TSGA10: variants seen among roughly 807,000 people sequenced by gnomAD.
The protein encoded by TSGA10 is testis-specific gene 10 protein.
A neutral mutation model predicts 96.6 loss-of-function variants in TSGA10; 43 were observed. The observed-to-expected ratio is 0.44, with a 90% CI of 0.35 to 0.57. The LOEUF (loss-of-function observed/expected upper bound fraction) is 0.57. TSGA10 is among the 20% of genes least tolerant of loss of function. TSGA10 has a pLI of 0.01. For missense variants in TSGA10, 703 were observed against 834.4 expected, an observed-to-expected ratio of 0.84 and a Z score of 1.94; for synonymous variants, 229 against 269.9, an observed-to-expected ratio of 0.85 and a Z score of 1.48.
Position 99,118,669 on chromosome 2 carries a change from ACAAAGGTATC to A in TSGA10, c.-484_-475del. 1.0e-6 allele frequency: 1 copy of A among 985,022 alleles called. No individual in the cohort carries two copies. Among genetic ancestry groups the A allele is most frequent in the Non-Finnish European group, 1.2e-6 (1 of 829,798 alleles). 61.0% of individuals were successfully genotyped at this position (985,022 alleles called of 1,614,324 possible). A position where few individuals can be genotyped will look rare whatever the true frequency, so the allele number is the denominator to read the frequency against. ...GATGAAGAAAAGGGCCTTTTCTATC[ACAAAGGTATC>A]CAAATGCCTTTAAAGGAAAAAAAAA... On this transcript the variant is annotated 5_prime_UTR_variant, in exon 3 of 21. Coordinates refer to ENST00000393483, the MANE Select transcript of TSGA10 (RefSeq NM_025244.4).
intron 13 of TSGA10, 102 bp from the exon 14 acceptor site, chr2:99,071,976 G>C: frequency 1.9e-6 from 2 of 1,059,304 alleles, no homozygotes; most frequent in South Asian, 3.5e-5. Flanking sequence ...GAAAACATTT[G>C]AAGAGATTTT....
At chr2:99,006,494 A>G (rs528924875) in intron 20 of TSGA10, among the ~76,000 whole-genome samples, 4 of 152,380 alleles carry the variant, frequency 2.6e-5, no homozygotes, top group East Asian at 3.9e-4. Context: ...GGATATGAAC[A>G]GATACTTCTC....
At chr2:99,109,663 AT>A in intron 5 of TSGA10, 151 bp from the exon 6 acceptor site, 1 of 462,348 alleles carries the variant, frequency 2.2e-6, no homozygotes, top group African/African-American at 2.0e-5. Context: ...TTAATTTGGT[AT>A]TTTTTAAATA....
chr2:99,119,503 A>G (rs1442085682), intron 2 of TSGA10, among the ~76,000 whole-genome samples: 1 of 152,212 alleles, frequency 6.6e-6, no homozygotes, highest in Admixed American at 6.5e-5. Context: ...AAATTCATTT[A>G]AAAACTTCTT....
chr2:99,132,257 C>CT lies in TSGA10; in HGVS notation c.-620-5082dup, dbSNP rs200551648. Among the ~76,000 whole-genome samples, 129 of 150,394 alleles carry CT rather than the reference C, an allele frequency of 8.6e-4. 2 individuals carry two copies. The East Asian group carries it at 0.012, about 13-fold the overall frequency. ...AGCTATGAATCCATCTAATCCTGGG[C>CT]TTTTTTTTTGGTTGGTAGGCTATTA... On this transcript the variant is annotated intron_variant, in intron 1 of 20. Transcript: ENST00000393483.
At chr2:99,130,202 G>A (rs193113468) in intron 1 of TSGA10, among the ~76,000 whole-genome samples, 3 of 152,250 alleles carry the variant, frequency 2.0e-5, no homozygotes, top group East Asian at 1.9e-4. Context: ...CTGAGGAATC[G>A]CCACACTGTC....
At chr2:99,012,085 T>A (rs2079054806) in intron 20 of TSGA10, among the ~76,000 whole-genome samples, 1 of 152,166 alleles carries the variant, frequency 6.6e-6, no homozygotes, top group African/African-American at 2.4e-5. Context: ...CTAAGCTACA[T>A]AATGAAGGAA....
At chr2:99,117,435 A>G (rs1249329688) in intron 4 of TSGA10, 109 bp downstream of exon 4, 1 of 419,648 alleles carries the variant, frequency 2.4e-6, no homozygotes, top group Admixed American at 6.4e-5. Context: ...TGTCAAATCT[A>G]AAAAGCTTCC....
At chr2:99,000,323 C>A (rs1157863949) in intron 20 of TSGA10, among the ~76,000 whole-genome samples, 1 of 148,868 alleles carries the variant, frequency 6.7e-6, no homozygotes, top group East Asian at 2.0e-4. Flanking sequence ...CCCTGCCCAA[C>A]ATGGCAAACC....
At position 99,081,293 on chromosome 2, in the gene TSGA10, T is replaced by C. The variant is rs199957417; in HGVS notation, c.716A>G (p.Asp239Gly). 1 of 1,560,514 alleles carries C rather than the reference T, an allele frequency of 6.4e-7. No individual in the cohort carries two copies. The highest frequency in any genetic ancestry group is 8.7e-7 in the Non-Finnish European group (1 of 1,153,796). The change falls in exon 11 of 21, where the codon GAT (aspartate) becomes GGT (glycine). Residue 239 changes from aspartate to glycine, a missense_variant. Transcript: ENST00000393483. Reference protein sequence around the residue: ...QLTQEKIMCLDEKIDNFTRQN... With the variant: ...QLTQEKIMCLGEKIDNFTRQN... ...AGAAAAAAACTCACCAATTTTTTCA[T>C]CCAAGCACATAATTTTCTCCTGAGT... is the stretch of plus-strand genomic sequence containing the variant.
intron 4 of TSGA10, among the ~76,000 whole-genome samples, chr2:99,111,705 G>GA (rs1248076482): frequency 6.6e-6 from 1 of 152,062 alleles, no homozygotes; most frequent in Non-Finnish European, 1.5e-5. Flanking sequence ...TCTCACAAGT[G>GA]AAGTACTTAG....
chr2:99,081,767 C>G (rs1334890844), intron 10 of TSGA10, among the ~76,000 whole-genome samples: 1 of 151,872 alleles, frequency 6.6e-6, no homozygotes, highest in African/African-American at 2.4e-5. Flanking sequence ...ATAGAGATGT[C>G]TGCAACACAG....
intron 10 of TSGA10, among the ~76,000 whole-genome samples, chr2:99,084,264 C>A (rs1189601471): frequency 2.0e-5 from 3 of 152,200 alleles, no homozygotes; most frequent in African/African-American, 7.2e-5. Context: ...TTGTCCGCTA[C>A]AAATCTCATG....
intron 16 of TSGA10, 84 bp from the exon 17 acceptor site, chr2:99,035,523 C>A: frequency 1.1e-6 from 1 of 916,382 alleles, no homozygotes; most frequent in South Asian, 2.1e-5. Context: ...TGAAGTGGGG[C>A]AAATCTAAGA....
At chr2:99,037,410 A>G (rs1418565994) in intron 16 of TSGA10, among the ~76,000 whole-genome samples, 4 of 152,246 alleles carry the variant, frequency 2.6e-5, no homozygotes, top group Non-Finnish European at 5.9e-5. Flanking sequence ...AGGTCAAAGA[A>G]GAAATCACAA....
intron 16 of TSGA10, among the ~76,000 whole-genome samples, chr2:99,048,337 A>T (rs1282856298): frequency 2.0e-5 from 3 of 152,246 alleles, no homozygotes; most frequent in African/African-American, 7.2e-5. Context: ...ACAAGGCTAC[A>T]GTAACCAAAA....
chr2:99,095,709 C>T (rs1282495297), intron 10 of TSGA10, among the ~76,000 whole-genome samples: 2 of 152,182 alleles, frequency 1.3e-5, no homozygotes, highest in African/African-American at 4.8e-5. Flanking sequence ...GGTGCAATCT[C>T]GGCTCACTGC....
At chr2:99,044,887 C>T (rs1016771326) in intron 16 of TSGA10, among the ~76,000 whole-genome samples, 4 of 152,054 alleles carry the variant, frequency 2.6e-5, no homozygotes, top group African/African-American at 7.2e-5. Context: ...CACTCAAAAC[C>T]GCACAACTAC....
intron 7 of TSGA10, among the ~76,000 whole-genome samples, chr2:99,106,604 T>C (rs1214609720): frequency 6.6e-6 from 1 of 151,794 alleles, no homozygotes; most frequent in African/African-American, 2.4e-5. Flanking sequence ...TTCCTTACCA[T>C]CCATTCTATC....
Sources: allele counts gnomAD v4.1 joint callset (sites outside exome capture counted in the v4.1 genomes callset), GRCh38; gene constraint gnomAD v4.1.1; transcripts MANE v1.5; gene names NCBI Gene and HGNC (gene_info 2026-07-23, HGNC 2026-07-21).